The following B4GALT5 variants were observed in gnomAD, a reference collection of about 807,000 sequenced individuals.
B4GALT5 encodes the protein beta-1,4-galactosyltransferase 5, also known as UDP-Gal:beta-GlcNAc beta-1,4-galactosyltransferase 5.
B4GALT5 carries 11 observed loss-of-function variants against 45.0 expected under a neutral mutation model. The ratio of observed to expected loss-of-function variants is 0.24; its 90% CI spans 0.15 to 0.40. B4GALT5 has a LOEUF of 0.40. B4GALT5 is among the 10% of genes least tolerant of loss of function. The pLI, the probability that B4GALT5 is intolerant of heterozygous loss-of-function variation, is 1.00. For synonymous variants in B4GALT5, 185 were observed against 182.9 expected (o/e 1.01, Z -0.09); for missense variants, 337 against 500.2 (o/e 0.67, Z 3.11).
chr20:49,669,526 G>A (rs140217497), intron 1 of B4GALT5, among the ~76,000 whole-genome samples: 1,604 of 151,984 alleles, frequency 0.011, 40 homozygotes, highest in African/African-American at 0.037. Flanking sequence ...GAGAAACACC[G>A]TCTCTACTAA....
intron 1 of B4GALT5, among the ~76,000 whole-genome samples, chr20:49,703,041 G>A (rs998630844): frequency 2.0e-5 from 3 of 151,544 alleles, no homozygotes; most frequent in Non-Finnish European, 4.4e-5. Context: ...GGGCGTGGTG[G>A]TGGGTGCCTG....
intron 1 of B4GALT5, among the ~76,000 whole-genome samples, chr20:49,662,501 G>T (rs896790513): frequency 1.3e-5 from 2 of 152,146 alleles, no homozygotes; most frequent in African/African-American, 4.8e-5. Context: ...ATAATAATAA[G>T]TTGAGACAAT....
At chr20:49,640,759 G>A in intron 5 of B4GALT5, 94 bp from the exon 6 acceptor site, 1 of 1,286,102 alleles carries the variant, frequency 7.8e-7, no homozygotes, top group Non-Finnish European at 1.0e-6. Flanking sequence ...AGAACCAACT[G>A]GAAAAGATCA....
intron 1 of B4GALT5, among the ~76,000 whole-genome samples, chr20:49,692,721 C>T (rs112226089): frequency 1.5e-3 from 233 of 152,300 alleles, no homozygotes; most frequent in African/African-American, 5.3e-3. Flanking sequence ...CCACTGAAAA[C>T]CTGTCACACT....
At chr20:49,676,698 CAGGA>C (rs2085738954) in intron 1 of B4GALT5, among the ~76,000 whole-genome samples, 1 of 152,250 alleles carries the variant, frequency 6.6e-6, no homozygotes, top group African/African-American at 2.4e-5. Flanking sequence ...CCTAAAGTCA[CAGGA>C]AGGAAGGGGA....
chr20:49,662,823 T>C (rs1048097388), intron 1 of B4GALT5, among the ~76,000 whole-genome samples: 1 of 152,196 alleles, frequency 6.6e-6, no homozygotes, highest in Non-Finnish European at 1.5e-5. Flanking sequence ...ATAATATTTG[T>C]AGTAGAAAAA....
intron 1 of B4GALT5, among the ~76,000 whole-genome samples, chr20:49,658,928 T>C (rs1255355572): frequency 6.6e-6 from 1 of 152,228 alleles, no homozygotes; most frequent in South Asian, 2.1e-4. Flanking sequence ...CTGCATTTAA[T>C]CCTCATAATT....
At chr20:49,669,604 G>A (rs572990703) in intron 1 of B4GALT5, among the ~76,000 whole-genome samples, 220 of 151,466 alleles carry the variant, frequency 1.5e-3, no homozygotes, top group African/African-American at 5.1e-3. Flanking sequence ...GCTGAGAAAG[G>A]AGAATCACTT....
At chr20:49,711,936 CAA>C (rs1486648759) in intron 1 of B4GALT5, among the ~76,000 whole-genome samples, 1 of 152,324 alleles carries the variant, frequency 6.6e-6, no homozygotes, top group African/African-American at 2.4e-5. Context: ...GTTATTGCTA[CAA>C]TCCTAAAAGG....
chr20:49,682,277 C>T (rs1319009356), intron 1 of B4GALT5, among the ~76,000 whole-genome samples: 1 of 152,204 alleles, frequency 6.6e-6, no homozygotes, highest in Non-Finnish European at 1.5e-5. Flanking sequence ...CTGTGCACTG[C>T]CTACTACTGC....
chr20:49,693,408 C>A (rs1238009977), intron 1 of B4GALT5, among the ~76,000 whole-genome samples: 2 of 152,170 alleles, frequency 1.3e-5, no homozygotes, highest in African/African-American at 4.8e-5. Context: ...GGCCCAAAGT[C>A]ACCAAACCAG....
chr20:49,635,559 T>C lies in B4GALT5; in HGVS notation c.*753A>G, dbSNP rs1410956192. On this transcript the variant is annotated 3_prime_UTR_variant, in exon 9 of 9. Transcript: ENST00000371711. ...GCCAAAGTGACAGCAATTCGGGAGA[T>C]GACATTCTTCAACTGCATTTTAACT... 6.6e-6 allele frequency: 1 copy of C among 152,424 alleles called. No individual in the cohort carries two copies. The highest frequency in any genetic ancestry group is 2.4e-5 in the African/African-American group (1 of 41,428). The allele number at this position is 152,424 out of a possible 1,614,324, so 9.4% of individuals were successfully genotyped here.
At chr20:49,700,658 C>T in intron 1 of B4GALT5, among the ~76,000 whole-genome samples, 1 of 152,166 alleles carries the variant, frequency 6.6e-6, no homozygotes, top group East Asian at 1.9e-4. Flanking sequence ...GTCACTTGAA[C>T]ACAAGCACTG....
chr20:49,635,999 C>G lies in B4GALT5; in HGVS notation c.*313G>C, dbSNP rs761716957. 5 of 341,410 alleles carry G rather than the reference C, an allele frequency of 1.5e-5. No homozygotes were observed. The highest frequency in any genetic ancestry group is 2.8e-5 in the Non-Finnish European group (5 of 178,000). The allele number at this position is 341,410 out of a possible 1,614,324, so 21.1% of individuals were successfully genotyped here. A position where few individuals can be genotyped will look rare whatever the true frequency, so the allele number is the denominator to read the frequency against. ...GGCAGATCACAGTTCATCATGGGTT[C>G]TGGAGACTGCGGCTAAGACAGGATG... is the stretch of plus-strand genomic sequence containing the variant. On this transcript the variant is annotated 3_prime_UTR_variant, in exon 9 of 9. Coordinates refer to ENST00000371711, the MANE Select transcript of B4GALT5 (RefSeq NM_004776.4).
At chr20:49,639,910 A>C in intron 6 of B4GALT5, 110 bp from the exon 7 acceptor site, 2 of 1,414,730 alleles carry the variant, frequency 1.4e-6, no homozygotes, top group South Asian at 2.7e-5. Context: ...TCCTGACCTG[A>C]ACCATATGAA....
In B4GALT5 at chr20:49,692,298, T is replaced by C. The variant is rs1271503268; in HGVS notation, c.115+21278A>G. On this transcript the variant is annotated intron_variant, in intron 1 of 8. Transcript: ENST00000371711. Reference sequence around the variant, plus strand: ...GGGCAACAAAGTGAGAGCCTGTCTCTACAAAAGAAAAAAAAAAAAGTAGCC... The same window carrying C: ...GGGCAACAAAGTGAGAGCCTGTCTCCACAAAAGAAAAAAAAAAAAGTAGCC... Among the ~76,000 whole-genome samples, 7 of 118,078 alleles carry C rather than the reference T, an allele frequency of 5.9e-5. No individual in the cohort carries two copies. In the East Asian group the frequency reaches 1.1e-3, roughly 19 times the overall value. The allele number at this position is 118,078 out of a possible 152,430, so 77.5% of individuals were successfully genotyped here. A position where few individuals can be genotyped will look rare whatever the true frequency, so the allele number is the denominator to read the frequency against.
intron 1 of B4GALT5, among the ~76,000 whole-genome samples, chr20:49,712,706 G>C (rs1333690971): frequency 6.6e-6 from 1 of 151,972 alleles, no homozygotes; most frequent in Non-Finnish European, 1.5e-5. Flanking sequence ...GGCTAGGAGA[G>C]GGCAGAAGTG....
In B4GALT5 at chr20:49,640,672, G is replaced by C; in HGVS notation, c.607-7C>G. 6.3e-7 allele frequency: 1 copy of C among 1,581,122 alleles called. No homozygotes were observed. The highest frequency in any genetic ancestry group is 8.6e-7 in the Non-Finnish European group (1 of 1,168,896). Reference sequence around the variant, plus strand: ...TAAAGGGTTGGGTACCAACCTAAAAGAAACAGAACTTTATCTTTAAAAGAA... The same window carrying C: ...TAAAGGGTTGGGTACCAACCTAAAACAAACAGAACTTTATCTTTAAAAGAA... On this transcript the variant is annotated splice_polypyrimidine_tract_variant and splice_region_variant and intron_variant, in intron 5 of 8. Coordinates refer to ENST00000371711, the MANE Select transcript of B4GALT5 (RefSeq NM_004776.4).
chr20:49,710,748 A>G (rs1450523852), intron 1 of B4GALT5, among the ~76,000 whole-genome samples: 1 of 152,188 alleles, frequency 6.6e-6, no homozygotes, highest in Admixed American at 6.5e-5. Flanking sequence ...GCTCATTTTA[A>G]TAACTATTCA....
Sources: gnomAD v4.1 joint callset for allele counts (sites outside exome capture counted in the v4.1 genomes callset) on GRCh38, gnomAD v4.1.1 for gene constraint, MANE v1.5 for transcripts, NCBI Gene and HGNC (gene_info 2026-07-23, HGNC 2026-07-21) for gene names.